MAF: variants seen among roughly 807,000 people sequenced by gnomAD.
The protein encoded by MAF is transcription factor Maf.
Under a neutral mutation model 22.0 loss-of-function variants are expected in MAF, and 10 were observed. That is an observed-to-expected ratio of 0.45 (90% CI 0.28 to 0.77). MAF has a LOEUF of 0.77. Among genes scored for constraint, MAF ranks in the 30% least tolerant of loss-of-function variants. The pLI, the probability that MAF is intolerant of heterozygous loss-of-function variation, is 0.12. For missense variants in MAF, 544 were observed against 548.4 expected (o/e 0.99, Z 0.08); for synonymous variants, 337 against 255.8 (o/e 1.32, Z -3.03).
chr16:79,523,641 A>T, the MAF span, among the ~76,000 whole-genome samples: 1 of 152,220 alleles, frequency 6.6e-6, no homozygotes, highest in African/African-American at 2.4e-5. Flanking sequence ...AGATAAGCTG[A>T]TTCTGGAGAC....
the MAF span, among the ~76,000 whole-genome samples, chr16:79,225,296 A>G: frequency 6.6e-6 from 1 of 152,184 alleles, no homozygotes; most frequent in East Asian, 1.9e-4. Flanking sequence ...TGTTGAGAAA[A>G]CTGGCTAGCC....
At chr16:79,552,659 A>G in the MAF span, among the ~76,000 whole-genome samples, 1 of 152,126 alleles carries the variant, frequency 6.6e-6, no homozygotes, top group Admixed American at 6.5e-5. Context: ...TCAGGACAGG[A>G]TCTTGGCTCT....
At chr16:79,420,650 C>T in the MAF span, among the ~76,000 whole-genome samples, 1 of 152,240 alleles carries the variant, frequency 6.6e-6, no homozygotes, top group South Asian at 2.1e-4. Context: ...TGTTGCTCGG[C>T]AGTGCCCCCT....
chr16:79,404,987 A>T, the MAF span, among the ~76,000 whole-genome samples: 2 of 152,176 alleles, frequency 1.3e-5, no homozygotes, highest in East Asian at 3.9e-4. Flanking sequence ...GTTAGTACCG[A>T]ACCACACAGG....
the MAF span, among the ~76,000 whole-genome samples, chr16:79,334,854 T>C: frequency 1.0e-5 from 1 of 95,248 alleles, no homozygotes; most frequent in Non-Finnish European, 2.4e-5. Flanking sequence ...TGTGTGTGTG[T>C]GTGTGTGTAT....
the MAF span, among the ~76,000 whole-genome samples, chr16:79,376,894 A>G: frequency 2.2e-4 from 34 of 151,808 alleles, no homozygotes; most frequent in African/African-American, 6.5e-4. Context: ...TGGTGTATAT[A>G]TGCCACATTT....
At chr16:79,432,257 G>C in the MAF span, among the ~76,000 whole-genome samples, 2 of 152,148 alleles carry the variant, frequency 1.3e-5, no homozygotes, top group African/African-American at 4.8e-5. Context: ...CTTCTGCCAT[G>C]ATTGTAAGTT....
the MAF span, among the ~76,000 whole-genome samples, chr16:79,219,393 T>C: frequency 6.6e-6 from 1 of 151,634 alleles, no homozygotes; most frequent in Admixed American, 6.6e-5. Flanking sequence ...ACAGCTTTTG[T>C]ACAAAAAATT....
chr16:79,209,506 G>T, the MAF span, among the ~76,000 whole-genome samples: 1 of 152,118 alleles, frequency 6.6e-6, no homozygotes, highest in Non-Finnish European at 1.5e-5. Context: ...TAACCATTGT[G>T]GCATAGAGGG....
the MAF span, among the ~76,000 whole-genome samples, chr16:79,208,287 A>C: frequency 1.3e-5 from 2 of 151,640 alleles, no homozygotes. Flanking sequence ...CAACAACCTA[A>C]CTCATTGCCA....
the MAF span, among the ~76,000 whole-genome samples, chr16:79,544,570 C>T: frequency 1.2e-4 from 19 of 152,044 alleles, 1 homozygote; most frequent in South Asian, 3.5e-3. Flanking sequence ...GTCAGGAGAT[C>T]GAGACCATCG....
At chr16:79,396,082 A>C in the MAF span, among the ~76,000 whole-genome samples, 2 of 152,230 alleles carry the variant, frequency 1.3e-5, no homozygotes, top group Non-Finnish European at 2.9e-5. Context: ...GAAAGAGGAA[A>C]TGACCCAAAT....
chr16:79,251,599 C>T, the MAF span, among the ~76,000 whole-genome samples: 8 of 151,214 alleles, frequency 5.3e-5, no homozygotes, highest in Non-Finnish European at 1.0e-4. Flanking sequence ...TGAGCCACTG[C>T]GCCAGGCCTA....
chr16:79,361,867 T>C, the MAF span, among the ~76,000 whole-genome samples: 1 of 152,184 alleles, frequency 6.6e-6, no homozygotes, highest in East Asian at 1.9e-4. Context: ...GCATCTTGTC[T>C]GTAGAAAGGA....
the MAF span, among the ~76,000 whole-genome samples, chr16:79,502,905 C>T: frequency 6.6e-6 from 1 of 150,906 alleles, no homozygotes; most frequent in African/African-American, 2.4e-5. Context: ...TCATCAAATT[C>T]ATCAAACAGT....
the MAF span, among the ~76,000 whole-genome samples, chr16:79,412,285 G>A: frequency 3.6e-3 from 548 of 152,314 alleles, 5 homozygotes; most frequent in African/African-American, 0.013. Context: ...TGACACCCTA[G>A]AGGGTATGAT....
At chr16:79,447,331 CAAAA>C in the MAF span, among the ~76,000 whole-genome samples, 12 of 98,580 alleles carry the variant, frequency 1.2e-4, no homozygotes, top group Non-Finnish European at 1.2e-4. Flanking sequence ...ACCTACTGCT[CAAAA>C]AAAAAAAAAA....
At chr16:79,230,331 A>C in the MAF span, among the ~76,000 whole-genome samples, 1 of 152,156 alleles carries the variant, frequency 6.6e-6, no homozygotes, top group Non-Finnish European at 1.5e-5. Context: ...AAGAATGTAC[A>C]GGAGGTGTGA....
At chr16:79,292,937 A>G in the MAF span, among the ~76,000 whole-genome samples, 22 of 152,300 alleles carry the variant, frequency 1.4e-4, no homozygotes, top group African/African-American at 4.8e-4. Flanking sequence ...ATAATGGTCT[A>G]AAAGGGTAGG....
Sources: allele counts gnomAD v4.1 joint callset (sites outside exome capture counted in the v4.1 genomes callset), GRCh38; gene constraint gnomAD v4.1.1; transcripts MANE v1.5; gene names NCBI Gene and HGNC (gene_info 2026-07-23, HGNC 2026-07-21).